Variants in ALPK1 observed in about 807,000 individuals in gnomAD.
The protein encoded by ALPK1 is alpha-protein kinase 1.
Under a neutral mutation model 120.6 loss-of-function variants are expected in ALPK1, and 110 were observed. That is an observed-to-expected ratio of 0.91 (90% confidence interval 0.78 to 1.07). The LOEUF (loss-of-function observed/expected upper bound fraction) is 1.07, where lower values mean the gene tolerates loss of function less well. ALPK1 is among the 50% of genes least tolerant of loss of function. The pLI, the probability that ALPK1 is intolerant of heterozygous loss-of-function variation, is 0.00. For missense variants in ALPK1, 1,498 were observed against 1,483.9 expected (o/e 1.01, Z -0.16); for synonymous variants, 582 against 560.3 (o/e 1.04, Z -0.55).
rs116018927 is a variant in ALPK1 at position 112,377,831 on chromosome 4, G to A, written c.54G>A (p.Leu18=). ...AVLLQECKQV[L]DQLLLEAPDV... is the part of the protein sequence containing the mutation. Reference sequence around the variant, plus strand: ...TACTGCAAGAGTGCAAGCAAGTGCTGGATCAGCTCTTGTTGGAAGCGCCAG... The same window carrying A: ...TACTGCAAGAGTGCAAGCAAGTGCTAGATCAGCTCTTGTTGGAAGCGCCAG... The change falls in exon 3 of 16, where the codon CTG becomes CTA. Residue 18 remains leucine, a synonymous_variant. Transcript: ENST00000650871. The A allele has an allele frequency of 5.6e-5, 90 of 1,613,668 alleles. No homozygotes were observed. In the African/African-American group the frequency reaches 1.1e-3, roughly 19 times the overall value.
intron 6 of ALPK1, 111 bp downstream of exon 6, chr4:112,424,114 C>CCAGCCCCAGA: frequency 4.0e-6 from 4 of 995,498 alleles, no homozygotes; most frequent in Non-Finnish European, 5.9e-6. Context: ...GTTTCCAGAG[C>CCAGCCCCAGA]TATCTGGGGC....
At chr4:112,420,605 G>A (rs565712556) in intron 5 of ALPK1, among the ~76,000 whole-genome samples, 2 of 152,220 alleles carry the variant, frequency 1.3e-5, no homozygotes, top group East Asian at 1.9e-4. Context: ...TTCAATAGGC[G>A]CTTCTGTGCA....
chr4:112,388,554 G>A (rs1374024098), intron 4 of ALPK1, among the ~76,000 whole-genome samples: 2 of 151,140 alleles, frequency 1.3e-5, no homozygotes. Flanking sequence ...TTTAGATTAT[G>A]ATTCTTTCAT....
In ALPK1 at chr4:112,382,534, C is replaced by T. The variant is rs770990158; in HGVS notation, c.258C>T (p.Ala86=). The change falls in exon 4 of 16, where the codon GCC becomes GCT. Residue 86 remains alanine (A), a synonymous_variant. Coordinates refer to ENST00000650871, the MANE Select transcript of ALPK1 (RefSeq NM_025144.4). ...DKTNLKDVIG[A]GLQQLLASLR... ...CAAACCTGAAGGATGTGATTGGCGCCGGGTTGCAGCAGTTACTGGTAGGAA... is the reference window on the plus strand; with the variant it reads ...CAAACCTGAAGGATGTGATTGGCGCTGGGTTGCAGCAGTTACTGGTAGGAA... 42 of 1,613,976 alleles carry T rather than the reference C, an allele frequency of 2.6e-5. No individual in the cohort carries two copies. The African/African-American group carries it at 3.1e-4, about 12-fold the overall frequency.
chr4:112,300,692 G>A (rs1727746839), intron 1 of ALPK1, among the ~76,000 whole-genome samples: 1 of 150,760 alleles, frequency 6.6e-6, no homozygotes, highest in Admixed American at 6.6e-5. Flanking sequence ...AATTCTTTTG[G>A]CTTAAAGATA....
At chr4:112,387,072 G>A (rs745420419) in intron 4 of ALPK1, among the ~76,000 whole-genome samples, 8 of 152,184 alleles carry the variant, frequency 5.3e-5, no homozygotes, top group Non-Finnish European at 7.3e-5. Flanking sequence ...AAGGCATTTA[G>A]CGTTAGCTTC....
chr4:112,382,962 T>A lies in ALPK1; in HGVS notation c.276+410T>A, dbSNP rs1170431016. 1.5e-5 allele frequency: 3 copies of A among 201,560 alleles called. No individual in the cohort carries two copies. In the Admixed American group the frequency reaches 1.6e-4, roughly 11 times the overall value. The allele number at this position is 201,560 out of a possible 1,614,324, so 12.5% of individuals were successfully genotyped here. On this transcript the variant is annotated intron_variant, in intron 4 of 15. Transcript: ENST00000650871. The stretch of plus-strand genomic sequence containing the variant: ...CAGTGTGACTTGCTGTCTAAGCTAC[T>A]GAAGTCTGGCATATTCCTTCCCTGA...
intron 1 of ALPK1, among the ~76,000 whole-genome samples, chr4:112,301,994 T>C (rs1727808646): frequency 6.6e-6 from 1 of 152,138 alleles, no homozygotes; most frequent in South Asian, 2.1e-4. Context: ...TTCTCCTCCC[T>C]CACCACTGAC....
Position 112,396,847 on chromosome 4 carries a change from G to A in ALPK1, c.276+14295G>A, listed in dbSNP as rs577273016. Among the ~76,000 whole-genome samples the A allele has an allele frequency of 1.6e-3, 242 of 151,860 alleles. 1 individual carries two copies. The highest frequency in any genetic ancestry group is 5.3e-3 in the African/African-American group (221 of 41,400). On this transcript the variant is annotated intron_variant, in intron 4 of 15. Coordinates refer to ENST00000650871, the MANE Select transcript of ALPK1 (RefSeq NM_025144.4). ...GGCTGGAGTGCAGTGGCATGATCTC[G>A]GATCACTGCAACCTCCATCTCCTGG...
intron 2 of ALPK1, among the ~76,000 whole-genome samples, chr4:112,377,402 A>G (rs1731713694): frequency 6.6e-6 from 1 of 151,980 alleles, no homozygotes; most frequent in African/African-American, 2.4e-5. Context: ...ATCATGCAGT[A>G]TATTCATTTC....
chr4:112,309,483 A>G (rs1728298636), intron 1 of ALPK1, among the ~76,000 whole-genome samples: 1 of 152,098 alleles, frequency 6.6e-6, no homozygotes, highest in African/African-American at 2.4e-5. Flanking sequence ...GCCACCCTGC[A>G]GTTCGATCTC....
chr4:112,432,577 A>G lies in ALPK1; in HGVS notation c.3030A>G (p.Ala1010=), dbSNP rs762411241. The change falls in exon 11 of 16, where the codon GCA becomes GCG. Residue 1010 remains alanine (A), a synonymous_variant. Transcript: ENST00000650871. ...GVFKPSQLHR[A]HSALLLKYSK... is the part of the protein sequence containing the mutation. ...TTAAGCCCAGTCAACTCCACCGAGC[A>G]CATAGTAAGTACAATCTTTTCAATA... is the stretch of plus-strand genomic sequence containing the variant. The G allele has an allele frequency of 2.5e-6, 4 of 1,610,872 alleles. No individual in the cohort carries two copies. In the East Asian group the frequency reaches 8.9e-5, roughly 36 times the overall value.
intron 2 of ALPK1, among the ~76,000 whole-genome samples, chr4:112,334,443 A>AAAAAAG (rs1484262740): frequency 1.5e-3 from 227 of 151,610 alleles, no homozygotes; most frequent in Non-Finnish European, 2.5e-3. Context: ...AAAAAAAAAA[A>AAAAAAG]AAAAGAAAAG....
At chr4:112,354,227 C>A (rs142373879) in intron 2 of ALPK1, among the ~76,000 whole-genome samples, 1 of 150,500 alleles carries the variant, frequency 6.6e-6, no homozygotes. Flanking sequence ...TTTTCCCTTA[C>A]GATTTGCTTG....
intron 4 of ALPK1, among the ~76,000 whole-genome samples, chr4:112,410,133 C>G (rs980838412): frequency 5.3e-5 from 8 of 151,876 alleles, no homozygotes; most frequent in African/African-American, 1.9e-4. Flanking sequence ...CAAAGGGGAC[C>G]CTCTGCAGAT....
intron 2 of ALPK1, chr4:112,353,034 G>C (rs1730435332): frequency 1.5e-5 from 2 of 135,624 alleles, no homozygotes; most frequent in African/African-American, 5.5e-5. Flanking sequence ...GGACTGCAGT[G>C]GTGCAATCTC....
chr4:112,411,966 C>G lies in ALPK1; in HGVS notation c.416C>G (p.Pro139Arg). Residue 139 changes from proline to arginine, a missense_variant, in exon 5 of 16, where the codon CCA becomes CGA. By Grantham distance (103) the Pro-to-Arg change is moderately radical. Coordinates refer to ENST00000650871, the MANE Select transcript of ALPK1 (RefSeq NM_025144.4). ...QVAKGLHKLQ[P>R]ATPIAPQVVI... ...GCCAAAGGTCTCCACAAGTTGCAGC[C>G]AGCCACGCCAATTGCCCCGCAGGTG... 6.2e-7 allele frequency: 1 copy of G among 1,614,208 alleles called. No homozygotes were observed.
intron 5 of ALPK1, among the ~76,000 whole-genome samples, chr4:112,416,324 T>A (rs1432591825): frequency 8.6e-5 from 13 of 151,950 alleles, no homozygotes; most frequent in Admixed American, 8.5e-4. Flanking sequence ...TCCAACCCCA[T>A]AACTGACCTA....
At chr4:112,359,085 A>G (rs1730787250) in intron 2 of ALPK1, 3 of 742,112 alleles carry the variant, frequency 4.0e-6, no homozygotes, top group Non-Finnish European at 7.6e-6. Flanking sequence ...CACTGGAAGG[A>G]CAGCGCCGGA....
Sources: allele counts gnomAD v4.1 joint callset (sites outside exome capture counted in the v4.1 genomes callset), GRCh38; gene constraint gnomAD v4.1.1; transcripts MANE v1.5; gene names NCBI Gene and HGNC (gene_info 2026-07-23, HGNC 2026-07-21).